Variants in MGAT3 observed in about 807,000 individuals in gnomAD.
The protein encoded by MGAT3 is GlcNAc-T III.
In MGAT3, 9 loss-of-function variants were observed where a neutral mutation model predicts 29.8. The observed-to-expected ratio is 0.30, with a 90% CI of 0.18 to 0.53. The LOEUF (loss-of-function observed/expected upper bound fraction) is 0.53, where lower values mean the gene tolerates loss of function less well. MGAT3 is among the 20% of genes least tolerant of loss of function. The pLI is 0.96. For synonymous variants in MGAT3, 397 were observed against 348.9 expected, an observed-to-expected ratio of 1.14 and a Z score of -1.54; for missense variants, 557 against 769.5, an observed-to-expected ratio of 0.72 and a Z score of 3.27.
chr22:39,475,128 CTTTTTT>C (rs58543840), intron 1 of MGAT3, among the ~76,000 whole-genome samples: 10 of 118,786 alleles, frequency 8.4e-5, no homozygotes, highest in Non-Finnish European at 8.3e-5. Context: ...GCTTGCCAGG[CTTTTTT>C]TTTTTTTTTT....
At chr22:39,475,150 T>TA (rs1555887299) in intron 1 of MGAT3, among the ~76,000 whole-genome samples, 1 of 130,614 alleles carries the variant, frequency 7.7e-6, no homozygotes, top group African/African-American at 2.9e-5. Context: ...TTTTTTTTTT[T>TA]AACTGTAGAA....
chr22:39,466,472 A>G (rs780288778), intron 1 of MGAT3, among the ~76,000 whole-genome samples: 9 of 152,166 alleles, frequency 5.9e-5, no homozygotes, highest in Non-Finnish European at 1.2e-4. Flanking sequence ...GGGCTGGTCC[A>G]GCCTCTTTCT....
chr22:39,489,052 GAGT>G lies in MGAT3; in HGVS notation c.*104_*106del. 3 of 909,516 alleles carry G rather than the reference GAGT, an allele frequency of 3.3e-6. No homozygotes were observed. The highest frequency in any genetic ancestry group is 4.7e-6 in the Non-Finnish European group (3 of 639,962). The allele number at this position is 909,516 out of a possible 1,614,324, so 56.3% of individuals were successfully genotyped here. A position where few individuals can be genotyped will look rare whatever the true frequency, so the allele number is the denominator to read the frequency against. On this transcript the variant is annotated 3_prime_UTR_variant, in exon 2 of 2. Transcript: ENST00000341184. ...GCTCCTTGGTTCTTGAGGGGACCAG[GAGT>G]GGGTGGGGAGTGGGGGTGGGGGTAG...
At position 39,487,827 on chromosome 22, in the gene MGAT3, G is replaced by T; in HGVS notation, c.480G>T (p.Gly160=). The change falls in exon 2 of 2, where the codon GGG becomes GGT. Residue 160 remains glycine (G), a synonymous_variant. Coordinates refer to ENST00000341184, the MANE Select transcript of MGAT3 (RefSeq NM_002409.5). The surrounding 1 kb of genome is among the most constrained non-coding windows in gnomAD (Gnocchi z 5.7). Reference sequence around the variant, plus strand: ...TCCTGAGCGCCCGGGAGCGCACGGGGGGCCGAGGCGCCCGGCGCAAGTGGG... The same window carrying T: ...TCCTGAGCGCCCGGGAGCGCACGGGTGGCCGAGGCGCCCGGCGCAAGTGGG... ...RYLLSARERT[G]GRGARRKWVE... is the part of the protein sequence containing the mutation. The T allele has an allele frequency of 6.6e-7, 1 of 1,504,428 alleles. No individual in the cohort carries two copies. 93.2% of individuals were successfully genotyped at this position (1,504,428 alleles called of 1,614,324 possible). A position where few individuals can be genotyped will look rare whatever the true frequency, so the allele number is the denominator to read the frequency against.
At chr22:39,467,685 C>T (rs1290038698) in intron 1 of MGAT3, among the ~76,000 whole-genome samples, 1 of 150,816 alleles carries the variant, frequency 6.6e-6, no homozygotes, top group East Asian at 1.9e-4. Flanking sequence ...TGTTTCATTT[C>T]GTTTCTTTTC....
At chr22:39,478,164 G>A (rs919798322) in intron 1 of MGAT3, among the ~76,000 whole-genome samples, 2 of 152,274 alleles carry the variant, frequency 1.3e-5, no homozygotes, top group South Asian at 2.1e-4. Context: ...AAGCCCTTTC[G>A]TACAGTTGAA....
intron 1 of MGAT3, among the ~76,000 whole-genome samples, chr22:39,474,030 G>T (rs1466025982): frequency 6.6e-6 from 1 of 152,212 alleles, no homozygotes; most frequent in East Asian, 1.9e-4. Flanking sequence ...CCTTTAAGCT[G>T]CAGGAGACCC....
rs957310277 is a variant in MGAT3, at chr22:39,489,113, G to C, written c.*164G>C. 5 of 980,738 alleles carry C rather than the reference G, an allele frequency of 5.1e-6. No homozygotes were observed. Among genetic ancestry groups the C allele is most frequent in the Admixed American group, 5.8e-5 (2 of 34,300 alleles). 60.8% of individuals were successfully genotyped at this position (980,738 alleles called of 1,614,324 possible). A position where few individuals can be genotyped will look rare whatever the true frequency, so the allele number is the denominator to read the frequency against. On this transcript the variant is annotated 3_prime_UTR_variant, in exon 2 of 2. Transcript: ENST00000341184. ...CTACTGAAGCCCTTGTGAATCAAGGGTCAGGCCTTTGAGCTCAGAAAATAT... is the reference window on the plus strand; with the variant it reads ...CTACTGAAGCCCTTGTGAATCAAGGCTCAGGCCTTTGAGCTCAGAAAATAT...
At position 39,487,553 on chromosome 22, in the gene MGAT3, T is replaced by C; in HGVS notation, c.206T>C (p.Leu69Pro). 6.2e-7 allele frequency: 1 copy of C among 1,612,550 alleles called. No individual in the cohort carries two copies. Among genetic ancestry groups the C allele is most frequent in the East Asian group, 2.2e-5 (1 of 44,842 alleles). Residue 69 changes from leucine to proline, a missense_variant, in exon 2 of 2, where the codon CTG becomes CCG. By Grantham distance (98) the Leu-to-Pro change is moderately conservative. Coordinates refer to ENST00000341184, the MANE Select transcript of MGAT3 (RefSeq NM_002409.5). The surrounding 1 kb of genome is among the most constrained non-coding windows in gnomAD (Gnocchi z 5.7). ...QASPEPGGPD[L>P]LRTPLYSHSP... The stretch of plus-strand genomic sequence containing the variant: ...AGCCCCGAGCCAGGAGGCCCTGACC[T>C]GCTGCGTACCCCACTCTACTCCCAC...
At chr22:39,463,518 C>T (rs61293050) in intron 1 of MGAT3, among the ~76,000 whole-genome samples, 3 of 152,188 alleles carry the variant, frequency 2.0e-5, no homozygotes, top group African/African-American at 2.4e-5. Context: ...GTCTCTGGAA[C>T]GCCTGCTCAA....
Position 39,490,314 on chromosome 22 carries a change from T to A in MGAT3, c.*1365T>A. The A allele has an allele frequency of 6.0e-6, 1 of 167,240 alleles. No homozygotes were observed. The allele number at this position is 167,240 out of a possible 1,614,324, so 10.4% of individuals were successfully genotyped here. On this transcript the variant is annotated 3_prime_UTR_variant, in exon 2 of 2. Coordinates refer to ENST00000341184, the MANE Select transcript of MGAT3 (RefSeq NM_002409.5). The stretch of plus-strand genomic sequence containing the variant: ...GAGCCAGAATTGGCAGGCTCACCTC[T>A]GCTGGCCTCTCATTGGCTGGGACTC...
chr22:39,471,390 G>A (rs533847521), intron 1 of MGAT3, among the ~76,000 whole-genome samples: 13 of 152,124 alleles, frequency 8.5e-5, no homozygotes, highest in Admixed American at 2.0e-4. Context: ...GGCAACAGGG[G>A]CCTATTGATG....
chr22:39,487,932 C>T lies in MGAT3; in HGVS notation c.585C>T (p.Thr195=). 1 of 1,609,090 alleles carries T rather than the reference C, an allele frequency of 6.2e-7. No individual in the cohort carries two copies. The highest frequency in any genetic ancestry group is 8.5e-7 in the Non-Finnish European group (1 of 1,178,270). The change falls in exon 2 of 2, where the codon ACC becomes ACT. Residue 195 remains threonine, a synonymous_variant. Transcript: ENST00000341184. This position sits in a 1 kb window ranked among gnomAD's most constrained non-coding sequence, Gnocchi z 5.7. The part of the protein sequence containing the change: ...PTVVQYSNLP[T]KERLVPREVP... ...TGGTGCAGTACTCCAACCTGCCCACCAAGGAGCGGCTGGTGCCCAGGGAGG... is the reference window on the plus strand; with the variant it reads ...TGGTGCAGTACTCCAACCTGCCCACTAAGGAGCGGCTGGTGCCCAGGGAGG...
At chr22:39,472,169 C>T (rs1052861443) in intron 1 of MGAT3, among the ~76,000 whole-genome samples, 5 of 152,116 alleles carry the variant, frequency 3.3e-5, no homozygotes, top group Non-Finnish European at 7.3e-5. Flanking sequence ...AGTACAATAG[C>T]TGTCTGGCCG....
intron 1 of MGAT3, among the ~76,000 whole-genome samples, chr22:39,483,282 G>C (rs1601728444): frequency 6.6e-6 from 1 of 152,256 alleles, no homozygotes; most frequent in Admixed American, 6.5e-5. Context: ...ATCACCTGAG[G>C]TCAGGAGTTC....
rs1928374562 is a variant in MGAT3 at position 39,457,724 on chromosome 22, C to T, written c.-2+167C>T. 6.7e-6 allele frequency among the ~76,000 whole-genome samples: 1 copy of T among 150,134 alleles called. No individual in the cohort carries two copies. Among genetic ancestry groups the T allele is most frequent in the African/African-American group, 2.4e-5 (1 of 41,162 alleles). Reference sequence around the variant, plus strand: ...ACTGGGGCTGGGGGCCCGGAGGCCGCGGTGGGGGCGGGATGCCGGGGAAGC... The same window carrying T: ...ACTGGGGCTGGGGGCCCGGAGGCCGTGGTGGGGGCGGGATGCCGGGGAAGC... On this transcript the variant is annotated intron_variant, in intron 1 of 1. Coordinates refer to ENST00000341184, the MANE Select transcript of MGAT3 (RefSeq NM_002409.5). The surrounding 1 kb of genome is among the most constrained non-coding windows in gnomAD (Gnocchi z 6.8).
chr22:39,483,298 G>A (rs557634790), intron 1 of MGAT3, among the ~76,000 whole-genome samples: 7 of 152,108 alleles, frequency 4.6e-5, no homozygotes, highest in South Asian at 2.1e-4. Flanking sequence ...AGTTCGAGAC[G>A]AGCCTGACCA....
Position 39,487,963 on chromosome 22 carries a change from C to T in MGAT3, c.616C>T (p.Arg206Cys). Reference sequence around the variant, plus strand: ...GCGGCTGGTGCCCAGGGAGGTGCCGCGCCGCGTCATCAACGCCATCAACGT... The same window carrying T: ...GCGGCTGGTGCCCAGGGAGGTGCCGTGCCGCGTCATCAACGCCATCAACGT... ...KERLVPREVPRRVINAINVNH... is the reference protein window; with the variant it reads ...KERLVPREVPCRVINAINVNH... The change falls in exon 2 of 2, where the codon CGC becomes TGC. Residue 206 changes from arginine (R) to cysteine (C), a missense_variant. Arg to Cys is a radical substitution (Grantham distance 180). Coordinates refer to ENST00000341184, the MANE Select transcript of MGAT3 (RefSeq NM_002409.5). This position sits in a 1 kb window ranked among gnomAD's most constrained non-coding sequence, Gnocchi z 5.7. 1 of 1,611,486 alleles carries T rather than the reference C, an allele frequency of 6.2e-7. No individual in the cohort carries two copies. The highest frequency in any genetic ancestry group is 8.5e-7 in the Non-Finnish European group (1 of 1,179,564).
chr22:39,483,514 GA>G (rs1929187169), intron 1 of MGAT3, among the ~76,000 whole-genome samples: 1 of 149,386 alleles, frequency 6.7e-6, no homozygotes, highest in Non-Finnish European at 1.5e-5. Context: ...AAAAAAAAAA[GA>G]AAAGAAAAAT....
Sources: allele counts gnomAD v4.1 joint callset (sites outside exome capture counted in the v4.1 genomes callset), GRCh38; gene constraint gnomAD v4.1.1; non-coding constraint Gnocchi (gnomAD v3.1); transcripts MANE v1.5; gene names NCBI Gene and HGNC (gene_info 2026-07-23, HGNC 2026-07-21).